The following PIK3C2A variants were observed in gnomAD, a reference collection of about 807,000 sequenced individuals.
PIK3C2A encodes phosphatidylinositol-4-phosphate 3-kinase catalytic subunit type 2 alpha, also known as phosphatidylinositol 4-phosphate 3-kinase C2 domain-containing subunit alpha.
PIK3C2A carries 97 observed loss-of-function variants against 204.5 expected under a neutral mutation model. The observed-to-expected ratio is 0.47, with a 90% CI of 0.40 to 0.56. The LOEUF is 0.56. PIK3C2A is among the 20% of genes least tolerant of loss of function. The pLI is 0.00. For synonymous variants in PIK3C2A, 653 were observed against 664.4 expected, an observed-to-expected ratio of 0.98 and a Z score of 0.26; for missense variants, 1,735 against 1,969.2, an observed-to-expected ratio of 0.88 and a Z score of 2.25.
chr11:17,090,987 T>C (rs1432169204), intron 32 of PIK3C2A, among the ~76,000 whole-genome samples: 2 of 151,562 alleles, frequency 1.3e-5, no homozygotes, highest in East Asian at 1.9e-4. Flanking sequence ...GCTCAAGGGA[T>C]GTATCCACCT....
At chr11:17,181,018 T>C (rs1851531058) in intron 1 of PIK3C2A, among the ~76,000 whole-genome samples, 1 of 152,066 alleles carries the variant, frequency 6.6e-6, no homozygotes, top group Non-Finnish European at 1.5e-5. Context: ...TACTGACTTA[T>C]TATAAAGGAT....
At position 17,177,755 on chromosome 11, in the gene PIK3C2A, T is replaced by C. The variant is rs562196930; in HGVS notation, c.-65-7949A>G. Among the ~76,000 whole-genome samples the C allele has an allele frequency of 3.9e-5, 6 of 152,172 alleles. No homozygotes were observed. The East Asian group carries it at 9.6e-4, about 24-fold the overall frequency. Reference sequence around the variant, plus strand: ...TCACAAAGACAAAAATAAAAGAATGTCCAGGTATTTGATGTGATTCGGTTA... The same window carrying C: ...TCACAAAGACAAAAATAAAAGAATGCCCAGGTATTTGATGTGATTCGGTTA... On this transcript the variant is annotated intron_variant, in intron 1 of 32. Transcript: ENST00000691414.
At chr11:17,175,884 T>C (rs1487337080) in intron 1 of PIK3C2A, among the ~76,000 whole-genome samples, 1 of 152,072 alleles carries the variant, frequency 6.6e-6, no homozygotes, top group East Asian at 1.9e-4. Context: ...GATCTTAAAA[T>C]TTCAAGACAA....
At chr11:17,100,486 T>C (rs1848594367) in intron 25 of PIK3C2A, among the ~76,000 whole-genome samples, 1 of 152,076 alleles carries the variant, frequency 6.6e-6, no homozygotes, top group Non-Finnish European at 1.5e-5. Context: ...CCTCCCAAAG[T>C]GCTGGGATTA....
intron 1 of PIK3C2A, among the ~76,000 whole-genome samples, chr11:17,204,031 G>A (rs915343714): frequency 4.0e-5 from 6 of 151,236 alleles, no homozygotes; most frequent in African/African-American, 1.5e-4. Context: ...CGGAGATCAC[G>A]CCACTGCACT....
At chr11:17,180,524 A>C (rs1292273214) in intron 1 of PIK3C2A, among the ~76,000 whole-genome samples, 7 of 130,066 alleles carry the variant, frequency 5.4e-5, no homozygotes, top group South Asian at 5.7e-4. Context: ...ACAACAACAA[A>C]AAACAAAAAA....
chr11:17,102,494 A>G (rs1395143334), intron 24 of PIK3C2A, among the ~76,000 whole-genome samples, 168 bp downstream of exon 24: 1 of 152,016 alleles, frequency 6.6e-6, no homozygotes, highest in Non-Finnish European at 1.5e-5. Context: ...GTTTATACAC[A>G]TTTACACACA....
intron 1 of PIK3C2A, among the ~76,000 whole-genome samples, chr11:17,206,258 A>G (rs974951284): frequency 6.6e-5 from 10 of 152,174 alleles, no homozygotes; most frequent in Non-Finnish European, 1.2e-4. Context: ...TAATTCAGCC[A>G]AAATTACGGA....
chr11:17,171,299 G>T (rs1851150600), intron 1 of PIK3C2A, among the ~76,000 whole-genome samples: 2 of 152,062 alleles, frequency 1.3e-5, no homozygotes, highest in Admixed American at 6.6e-5. Context: ...AATCTAATCT[G>T]GTTTGTGATA....
At chr11:17,094,423 A>G in intron 27 of PIK3C2A, 38 bp from the exon 28 acceptor site, 1 of 1,570,952 alleles carries the variant, frequency 6.4e-7, no homozygotes, top group South Asian at 1.1e-5. Flanking sequence ...TAAAATTTAT[A>G]TTTAAAACCT....
At position 17,101,899 on chromosome 11, in the gene PIK3C2A, G is replaced by A. The variant is rs550114235; in HGVS notation, c.3852-465C>T. On this transcript the variant is annotated intron_variant, in intron 24 of 32. Transcript: ENST00000691414. The stretch of plus-strand genomic sequence containing the variant: ...ATTACAGGCGTGAGCCACTGCACCC[G>A]GCCTCTAAAATAACATTTTTCAAGA... Among the ~76,000 whole-genome samples, 31 of 151,484 alleles carry A rather than the reference G, an allele frequency of 2.0e-4. No homozygotes were observed. In the South Asian group the frequency reaches 4.8e-3, roughly 23 times the overall value.
chr11:17,202,212 C>T (rs1451617610), intron 1 of PIK3C2A, among the ~76,000 whole-genome samples: 2 of 146,752 alleles, frequency 1.4e-5, no homozygotes, highest in African/African-American at 2.5e-5. Flanking sequence ...GCTGAGATTG[C>T]GCCATTGTAC....
In PIK3C2A at chr11:17,169,666, C is replaced by T. The variant is rs368878866; in HGVS notation, c.76G>A (p.Val26Met). 3 of 1,612,618 alleles carry T rather than the reference C, an allele frequency of 1.9e-6. No individual in the cohort carries two copies. The highest frequency in any genetic ancestry group is 1.3e-5 in the African/African-American group (1 of 74,926). The part of the protein sequence containing the change: ...SHPEPTRAKD[V>M]DKEEALQMEA... ...ATCTGTAATGCTTCTTCTTTGTCCA[C>T]ATCTTTTGCTCTTGTTGGTTCCGGA... is the stretch of plus-strand genomic sequence containing the variant. Residue 26 changes from valine (V) to methionine (M), a missense_variant, in exon 2 of 33, where the codon GTG (valine) becomes ATG (methionine). Coordinates refer to ENST00000691414, the MANE Select transcript of PIK3C2A (RefSeq NM_002645.4).
In PIK3C2A at chr11:17,168,807, C is replaced by G. The variant is rs1043801076; in HGVS notation, c.935G>C (p.Arg312Thr). The change falls in exon 2 of 33, where the codon AGA becomes ACA. Residue 312 changes from arginine to threonine, a missense_variant. Coordinates refer to ENST00000691414, the MANE Select transcript of PIK3C2A (RefSeq NM_002645.4). Reference sequence around the variant, plus strand: ...TTCAAGATGACAATTTGCTGTCGATCTCTCTTCAAGAAGAACAGCATCCCA... The same window carrying G: ...TTCAAGATGACAATTTGCTGTCGATGTCTCTTCAAGAAGAACAGCATCCCA... ...DPWDAVLLEE[R>T]STANCHLERK... is the part of the protein sequence containing the mutation. 2 of 1,613,934 alleles carry G rather than the reference C, an allele frequency of 1.2e-6. No homozygotes were observed. Among genetic ancestry groups the G allele is most frequent in the Non-Finnish European group, 8.5e-7 (1 of 1,179,992 alleles).
chr11:17,119,111 C>A, intron 17 of PIK3C2A, 109 bp downstream of exon 17: 1 of 678,786 alleles, frequency 1.5e-6, no homozygotes, highest in Non-Finnish European at 2.6e-6. Context: ...CTCAATGTTC[C>A]CACACTAAAA....
chr11:17,086,859 T>C lies in PIK3C2A; in HGVS notation c.*2879A>G, dbSNP rs1229293443. The stretch of plus-strand genomic sequence containing the variant: ...AAAAGTGAATGTTTTCTTTTTTAAA[T>C]GTCACAATATTTGAATCCTAGAAAG... On this transcript the variant is annotated 3_prime_UTR_variant, in exon 33 of 33. Coordinates refer to ENST00000691414, the MANE Select transcript of PIK3C2A (RefSeq NM_002645.4). 1 of 152,194 alleles carries C rather than the reference T, an allele frequency of 6.6e-6. No homozygotes were observed. Among genetic ancestry groups the C allele is most frequent in the Non-Finnish European group, 1.5e-5 (1 of 68,020 alleles). The allele number at this position is 152,194 out of a possible 1,614,324, so 9.4% of individuals were successfully genotyped here.
intron 8 of PIK3C2A, among the ~76,000 whole-genome samples, chr11:17,138,981 C>A (rs1482184113): frequency 6.6e-6 from 1 of 151,954 alleles, no homozygotes; most frequent in Admixed American, 6.6e-5. Flanking sequence ...GATCTTGGCT[C>A]ACTGCAACCT....
chr11:17,117,391 T>C, intron 19 of PIK3C2A, 100 bp downstream of exon 19: 1 of 727,668 alleles, frequency 1.4e-6, no homozygotes, highest in East Asian at 2.5e-5. Flanking sequence ...AGAGTTCTAC[T>C]GGGAGTCTAC....
In PIK3C2A at chr11:17,178,713, A is replaced by ATTTTTTT. The variant is rs569882194; in HGVS notation, c.-65-8914_-65-8908dup. ...GCCACCACACCTGGTTGATTTTTGAATTTTTTTTTTTTTTTTTTTTTTTTT... is the reference window on the plus strand; with the variant it reads ...GCCACCACACCTGGTTGATTTTTGAATTTTTTTTTTTTTTTTTTTTTTTTTTTTTTTT... On this transcript the variant is annotated intron_variant, in intron 1 of 32. Coordinates refer to ENST00000691414, the MANE Select transcript of PIK3C2A (RefSeq NM_002645.4). Among the ~76,000 whole-genome samples, 5 of 9,818 alleles carry ATTTTTTT rather than the reference A, an allele frequency of 5.1e-4. 2 individuals are homozygous for ATTTTTTT. The highest frequency in any genetic ancestry group is 6.0e-3 in the South Asian group (2 of 332). 6.4% of individuals were successfully genotyped at this position (9,818 alleles called of 152,430 possible).
Sources: gnomAD v4.1 joint callset for allele counts (sites outside exome capture counted in the v4.1 genomes callset) on GRCh38, gnomAD v4.1.1 for gene constraint, MANE v1.5 for transcripts, NCBI Gene and HGNC (gene_info 2026-07-23, HGNC 2026-07-21) for gene names.